DHTKD1: variants seen among roughly 807,000 people sequenced by gnomAD.
DHTKD1 encodes dehydrogenase E1 and transketolase domain containing 1, also known as 2-oxoadipate dehydrogenase complex component E1.
A neutral mutation model predicts 101.8 loss-of-function variants in DHTKD1; 78 were observed. The observed-to-expected ratio is 0.77, with a 90% CI of 0.64 to 0.93. The LOEUF (loss-of-function observed/expected upper bound fraction) is 0.93, where lower values mean the gene tolerates loss of function less well. DHTKD1 is among the 40% of genes least tolerant of loss of function. The pLI is 0.00. For missense variants in DHTKD1, 1,223 were observed against 1,161.7 expected, an observed-to-expected ratio of 1.05 and a Z score of -0.77; for synonymous variants, 462 against 450.3, an observed-to-expected ratio of 1.03 and a Z score of -0.33.
intron 5 of DHTKD1, among the ~76,000 whole-genome samples, chr10:12,090,925 G>A (rs1263899023): frequency 6.6e-6 from 1 of 152,002 alleles, no homozygotes; most frequent in Non-Finnish European, 1.5e-5. Context: ...GTGGTGGCGG[G>A]CGCCTGTAGT....
intron 1 of DHTKD1, among the ~76,000 whole-genome samples, chr10:12,075,499 C>T (rs1314082541): frequency 6.6e-6 from 1 of 152,048 alleles, no homozygotes; most frequent in Non-Finnish European, 1.5e-5. Flanking sequence ...CTCGGTCTAC[C>T]AAAGTGCTGG....
chr10:12,108,317 T>C (rs1833280786), intron 12 of DHTKD1, among the ~76,000 whole-genome samples: 1 of 152,164 alleles, frequency 6.6e-6, no homozygotes, highest in South Asian at 2.1e-4. Flanking sequence ...TCTCGCTCTG[T>C]TGCCCAGGCT....
rs184856595 is a variant in DHTKD1 at position 12,106,309 on chromosome 10, A to T, written c.1960A>T (p.Ser654Cys). Residue 654 changes from serine to cysteine, a missense_variant, in exon 11 of 17, where the codon AGC becomes TGC. Physicochemically the swap from Ser to Cys is moderately radical, Grantham distance 112 (BLOSUM62 -1). Transcript: ENST00000263035. ...LGFEYGMSIE[S>C]PKLLPLWEAQ... ...ATTTGAATATGGGATGAGCATTGAG[A>T]GCCCAAAGTTACTGCCCCTGTGGGA... The T allele has an allele frequency of 1.7e-4, 277 of 1,614,178 alleles. 1 individual carries two copies. The highest frequency in any genetic ancestry group is 1.0e-5 in the Non-Finnish European group (12 of 1,180,028).
chr10:12,086,826 G>A (rs964833550), intron 3 of DHTKD1, among the ~76,000 whole-genome samples: 4 of 152,042 alleles, frequency 2.6e-5, no homozygotes, highest in African/African-American at 9.7e-5. Context: ...GAGTAGCTGG[G>A]ATTACAGGTG....
Position 12,121,752 on chromosome 10 carries a change from T to C in DHTKD1, c.*864T>C, listed in dbSNP as rs1218113029. ...TCCAACCTGGGCGACAGAGCAAGAC[T>C]CCATCTCATAAATTAAAAGGAAAGT... is the stretch of plus-strand genomic sequence containing the variant. On this transcript the variant is annotated 3_prime_UTR_variant, in exon 17 of 17. Transcript: ENST00000263035. 6.6e-6 allele frequency: 1 copy of C among 152,190 alleles called. No individual in the cohort carries two copies. Among genetic ancestry groups the C allele is most frequent in the Non-Finnish European group, 1.5e-5 (1 of 68,030 alleles). The allele number at this position is 152,190 out of a possible 1,614,324, so 9.4% of individuals were successfully genotyped here. A position where few individuals can be genotyped will look rare whatever the true frequency, so the allele number is the denominator to read the frequency against.
chr10:12,069,085 C>T lies in DHTKD1; in HGVS notation c.52C>T (p.Pro18Ser), dbSNP rs1340734868. 1.9e-6 allele frequency: 3 copies of T among 1,612,732 alleles called. No individual in the cohort carries two copies. The highest frequency in any genetic ancestry group is 2.7e-5 in the African/African-American group (2 of 74,848). The change falls in exon 1 of 17, where the codon CCT (proline) becomes TCT (serine). Residue 18 changes from proline (P) to serine (S), a missense_variant. Coordinates refer to ENST00000263035, the MANE Select transcript of DHTKD1 (RefSeq NM_018706.7). ...ACGACGGGGCCTCGGCCGGGCTCTC[C>T]CTCTCTTCTGGCGTGGCTACCAGAC... ...AARRGLGRAL[P>S]LFWRGYQTER... is the part of the protein sequence containing the mutation.
At chr10:12,086,892 T>C (rs945136504) in intron 3 of DHTKD1, among the ~76,000 whole-genome samples, 2 of 152,164 alleles carry the variant, frequency 1.3e-5, no homozygotes, top group Admixed American at 1.3e-4. Context: ...GGTTTCACCA[T>C]GTTGGCCAAG....
At chr10:12,094,398 A>T in intron 7 of DHTKD1, 127 bp downstream of exon 7, 1 of 797,486 alleles carries the variant, frequency 1.3e-6, no homozygotes, top group East Asian at 2.7e-5. Flanking sequence ...GCTCACTGCC[A>T]TCTCCACCTC....
chr10:12,094,838 G>A (rs940430347), intron 7 of DHTKD1, among the ~76,000 whole-genome samples: 6 of 151,614 alleles, frequency 4.0e-5, no homozygotes, highest in Non-Finnish European at 7.4e-5. Context: ...CAGGGGTTTC[G>A]CCATGTTGGC....
chr10:12,075,355 G>A (rs940833644), intron 1 of DHTKD1, among the ~76,000 whole-genome samples: 25 of 151,954 alleles, frequency 1.6e-4, no homozygotes, highest in Non-Finnish European at 3.1e-4. Context: ...ATTTCTGTGG[G>A]GTTTTTTTTG....
At chr10:12,092,804 A>C (rs1833012320) in intron 6 of DHTKD1, among the ~76,000 whole-genome samples, 1 of 151,952 alleles carries the variant, frequency 6.6e-6, no homozygotes, top group African/African-American at 2.4e-5. Context: ...ACTCCATCTC[A>C]AAGGGCAAAA....
chr10:12,097,958 C>T lies in DHTKD1; in HGVS notation c.1633C>T (p.Leu545=). ...GMKSVEVPRE[L]QMHSHLLKTH... is the part of the protein sequence containing the mutation. ...GAAGTCTGTAGAGGTGCCAAGAGAG[C>T]TGCAGATGCACAGTCACCTGCTGAA... The change falls in exon 8 of 17, where the codon CTG becomes TTG. Residue 545 remains leucine (L), a synonymous_variant. Transcript: ENST00000263035. 1.2e-6 allele frequency: 2 copies of T among 1,613,544 alleles called. No homozygotes were observed. Among genetic ancestry groups the T allele is most frequent in the South Asian group, 1.1e-5 (1 of 91,056 alleles).
At chr10:12,118,056 A>AT (rs1466035683) in intron 14 of DHTKD1, among the ~76,000 whole-genome samples, 5 of 151,508 alleles carry the variant, frequency 3.3e-5, no homozygotes, top group African/African-American at 9.7e-5. Flanking sequence ...CACCCTGCTA[A>AT]TTTTTTTATT....
intron 1 of DHTKD1, among the ~76,000 whole-genome samples, chr10:12,074,273 T>C (rs958273552): frequency 6.6e-6 from 1 of 152,166 alleles, no homozygotes; most frequent in Non-Finnish European, 1.5e-5. Flanking sequence ...CTCAAACTCC[T>C]GGGCTCAAGT....
intron 11 of DHTKD1, 103 bp downstream of exon 11, chr10:12,106,499 C>T: frequency 3.5e-6 from 5 of 1,448,424 alleles, no homozygotes; most frequent in Non-Finnish European, 4.8e-6. Flanking sequence ...CTTGAGACTC[C>T]CGTGTGCGGC....
chr10:12,079,533 T>C (rs1286437652), intron 1 of DHTKD1, among the ~76,000 whole-genome samples: 1 of 151,990 alleles, frequency 6.6e-6, no homozygotes, highest in Admixed American at 6.6e-5. Context: ...CTGGGTATGG[T>C]GGCATGCACC....
intron 1 of DHTKD1, among the ~76,000 whole-genome samples, chr10:12,079,972 C>T (rs1298101740): frequency 6.6e-6 from 1 of 152,134 alleles, no homozygotes; most frequent in East Asian, 1.9e-4. Context: ...CCTCACTAAA[C>T]CTGCTACAAG....
chr10:12,095,812 C>CAAAAAAAAAA (rs1185585860), intron 7 of DHTKD1, among the ~76,000 whole-genome samples: 32 of 41,482 alleles, frequency 7.7e-4, no homozygotes, highest in Non-Finnish European at 1.1e-3. Flanking sequence ...GACTCCGTCT[C>CAAAAAAAAAA]AAAAAAAAAA....
intron 1 of DHTKD1, 109 bp from the exon 2 acceptor site, chr10:12,081,363 A>C: frequency 1.2e-6 from 1 of 852,584 alleles, no homozygotes; most frequent in East Asian, 2.5e-5. Flanking sequence ...AAATAAATAA[A>C]TAAAAAGTAA....
Sources: gnomAD v4.1 joint callset for allele counts (sites outside exome capture counted in the v4.1 genomes callset) on GRCh38, gnomAD v4.1.1 for gene constraint, MANE v1.5 for transcripts, NCBI Gene and HGNC (gene_info 2026-07-23, HGNC 2026-07-21) for gene names.